Variants in SNX4 observed in about 807,000 individuals in gnomAD.
SNX4 encodes the protein sorting nexin 4.
In SNX4, 49 loss-of-function variants were observed where a neutral mutation model predicts 70.8. The observed-to-expected ratio is 0.69, with a 90% CI of 0.55 to 0.88. SNX4 has a LOEUF of 0.88. Ranked by LOEUF, SNX4 falls within the 40% of genes least tolerant of loss-of-function variation. SNX4 has a pLI of 0.00. For missense variants in SNX4, 528 were observed against 544.8 expected (o/e 0.97, Z 0.31); for synonymous variants, 206 against 183.8 (o/e 1.12, Z -0.98).
chr3:125,518,931 T>C (rs941781907), intron 1 of SNX4, among the ~76,000 whole-genome samples: 1 of 152,062 alleles, frequency 6.6e-6, no homozygotes, highest in Non-Finnish European at 1.5e-5. Flanking sequence ...GAGAATCGCC[T>C]GAACCTGGGA....
intron 5 of SNX4, among the ~76,000 whole-genome samples, chr3:125,491,148 T>C (rs931373666): frequency 1.3e-5 from 2 of 152,242 alleles, no homozygotes; most frequent in Admixed American, 6.5e-5. Context: ...AATTCTCTTA[T>C]GGAATTCTCC....
intron 13 of SNX4, among the ~76,000 whole-genome samples, chr3:125,449,838 A>G (rs565492901): frequency 6.6e-6 from 1 of 152,356 alleles, no homozygotes; most frequent in African/African-American, 2.4e-5. Context: ...AAAGAAGTGA[A>G]TGAGAGATCA....
chr3:125,500,447 C>T (rs1354470151), intron 2 of SNX4, among the ~76,000 whole-genome samples: 3 of 151,978 alleles, frequency 2.0e-5, no homozygotes, highest in African/African-American at 7.2e-5. Flanking sequence ...AATCTTAGCC[C>T]ACTAAACTAT....
chr3:125,477,199 T>A (rs941429534), intron 7 of SNX4, among the ~76,000 whole-genome samples: 3 of 152,216 alleles, frequency 2.0e-5, no homozygotes, highest in African/African-American at 7.2e-5. Context: ...CTCAGATTGT[T>A]TCCTTATAAT....
chr3:125,509,196 G>T (rs770023024), intron 1 of SNX4, among the ~76,000 whole-genome samples: 1 of 151,850 alleles, frequency 6.6e-6, no homozygotes, highest in African/African-American at 2.4e-5. Context: ...GCCAGGCGTG[G>T]TGTCATATCT....
At chr3:125,472,695 T>C (rs1475370008) in intron 8 of SNX4, among the ~76,000 whole-genome samples, 1 of 152,116 alleles carries the variant, frequency 6.6e-6, no homozygotes, top group East Asian at 1.9e-4. Context: ...GTTTAAGTAT[T>C]ATTGGCACCC....
chr3:125,519,749 G>A (rs1935360299), intron 1 of SNX4, among the ~76,000 whole-genome samples: 1 of 151,840 alleles, frequency 6.6e-6, no homozygotes, highest in Non-Finnish European at 1.5e-5. Context: ...ACGCCTGCGG[G>A]GGCGCCCCCC....
At chr3:125,475,333 T>C (rs756607397) in intron 8 of SNX4, among the ~76,000 whole-genome samples, 20 of 152,172 alleles carry the variant, frequency 1.3e-4, no homozygotes, top group Non-Finnish European at 2.5e-4. Flanking sequence ...ATGAGAATTT[T>C]TTTTCCCACC....
At chr3:125,497,235 A>G in intron 5 of SNX4, 106 bp downstream of exon 5, 1 of 649,628 alleles carries the variant, frequency 1.5e-6, no homozygotes, top group East Asian at 3.1e-5. Flanking sequence ...TTGTAAGACG[A>G]TTTCCAACAT....
chr3:125,504,842 AT>A, intron 1 of SNX4, 98 bp from the exon 2 acceptor site: 7 of 1,345,350 alleles, frequency 5.2e-6, no homozygotes, highest in Middle Eastern at 2.7e-4. Flanking sequence ...TATTGGGTTT[AT>A]ATATTTCAAA....
At chr3:125,477,481 TATGA>T (rs1430276035) in intron 7 of SNX4, among the ~76,000 whole-genome samples, 4 of 152,144 alleles carry the variant, frequency 2.6e-5, no homozygotes, top group Non-Finnish European at 5.9e-5. Flanking sequence ...CCCAAAGCAT[TATGA>T]AAACAAACTG....
intron 1 of SNX4, among the ~76,000 whole-genome samples, chr3:125,517,730 C>CT (rs1288276947): frequency 6.6e-6 from 1 of 152,188 alleles, no homozygotes; most frequent in East Asian, 1.9e-4. Context: ...AATCCCAGCA[C>CT]TTTAGGAGGC....
At chr3:125,482,666 A>C (rs1934439243) in intron 6 of SNX4, among the ~76,000 whole-genome samples, 1 of 152,126 alleles carries the variant, frequency 6.6e-6, no homozygotes, top group African/African-American at 2.4e-5. Context: ...GCTGATCCTG[A>C]GACAAAGTTC....
chr3:125,503,355 A>C (rs1934974082), intron 2 of SNX4, among the ~76,000 whole-genome samples: 1 of 152,196 alleles, frequency 6.6e-6, no homozygotes, highest in Non-Finnish European at 1.5e-5. Context: ...ACAACAACAA[A>C]TTGAGTCTTC....
intron 8 of SNX4, among the ~76,000 whole-genome samples, 181 bp from the exon 9 acceptor site, chr3:125,469,700 A>C (rs1934118890): frequency 6.6e-6 from 1 of 152,208 alleles, no homozygotes; most frequent in African/African-American, 2.4e-5. Context: ...ACTAAATGTG[A>C]AGTGAAGGCT....
At chr3:125,497,665 T>C (rs1035776307) in intron 4 of SNX4, among the ~76,000 whole-genome samples, 169 bp downstream of exon 4, 2 of 152,062 alleles carry the variant, frequency 1.3e-5, no homozygotes, top group African/African-American at 2.4e-5. Context: ...TATCTTTAAA[T>C]AGAAAAAGTT....
At chr3:125,498,330 CT>C (rs1934856226) in intron 2 of SNX4, 136 bp from the exon 3 acceptor site, 17 of 878,246 alleles carry the variant, frequency 1.9e-5, no homozygotes, top group East Asian at 2.8e-5. Flanking sequence ...ATACATTTTT[CT>C]TTTTTTTCAA....
chr3:125,499,968 G>A (rs1311491388), intron 2 of SNX4, among the ~76,000 whole-genome samples: 2 of 151,988 alleles, frequency 1.3e-5, no homozygotes, highest in African/African-American at 4.8e-5. Context: ...GCTGAGACAG[G>A]AGAATTGCTT....
Position 125,495,633 on chromosome 3 carries a change from A to G in SNX4, c.597+1708T>C, listed in dbSNP as rs534170097. On this transcript the variant is annotated intron_variant, in intron 5 of 13. Transcript: ENST00000251775. ...AGCACCTACACATAAGATTCAAGGC[A>G]CTGGTAAATAGCAATTTTATAATGA... 3.5e-3 allele frequency among the ~76,000 whole-genome samples: 529 copies of G among 152,276 alleles called. 7 individuals carry two copies. The highest frequency in any genetic ancestry group is 0.012 in the African/African-American group (502 of 41,542).
Sources: gnomAD v4.1 joint callset for allele counts (sites outside exome capture counted in the v4.1 genomes callset) on GRCh38, gnomAD v4.1.1 for gene constraint, MANE v1.5 for transcripts, NCBI Gene and HGNC (gene_info 2026-07-23, HGNC 2026-07-21) for gene names.